Variants in ALDH3B2 observed in about 807,000 individuals in gnomAD.
The protein encoded by ALDH3B2 is aldehyde dehydrogenase family 3 member B2.
ALDH3B2 carries 45 observed loss-of-function variants against 36.7 expected under a neutral mutation model. That is an observed-to-expected ratio of 1.23 (90% confidence interval 0.97 to 1.57). The LOEUF is 1.57. ALDH3B2 is among the 40% of genes most tolerant of loss of function. The probability of loss-of-function intolerance (pLI) is 0.00; values close to 1 mark genes in which losing one functional copy is unlikely to be tolerated. For missense variants in ALDH3B2, 464 were observed against 513.3 expected (o/e 0.90, Z 0.93); for synonymous variants, 217 against 226.5 (o/e 0.96, Z 0.38).
intron 1 of ALDH3B2, among the ~76,000 whole-genome samples, chr11:67,674,231 G>A (rs1160133336): frequency 6.6e-6 from 1 of 152,128 alleles, no homozygotes; most frequent in Non-Finnish European, 1.5e-5. Context: ...GGCAAAGTGA[G>A]GCTCAGAAGA....
At position 67,669,027 on chromosome 11, in the gene ALDH3B2, CTT is replaced by C. The variant is rs540008571; in HGVS notation, c.-244-1394_-244-1393del. Among the ~76,000 whole-genome samples the C allele has an allele frequency of 6.0e-3, 826 of 138,280 alleles. 6 individuals are homozygous for C. Among genetic ancestry groups the C allele is most frequent in the African/African-American group, 0.021 (773 of 36,638 alleles). 90.7% of individuals were successfully genotyped at this position (138,280 alleles called of 152,430 possible). ...TATGTGTATATGGGTGTCTGTGTCT[CTT>C]TGTGTGTATGGATGTCTGTGTCTCT... On this transcript the variant is annotated intron_variant, in intron 1 of 9. Coordinates refer to ENST00000349015, the Ensembl canonical transcript of ALDH3B2.
In ALDH3B2 at chr11:67,666,699, G is replaced by C. The variant is rs745451949; in HGVS notation, c.31-5C>G. The stretch of plus-strand genomic sequence containing the variant: ...GACCGAGTCCAGCTTCATGAACTGA[G>C]GCACAGGGTAGACAGTGAGGCCCTG... On this transcript the variant is annotated splice_polypyrimidine_tract_variant and splice_region_variant and intron_variant, in intron 3 of 9. Transcript: ENST00000349015. The C allele has an allele frequency of 6.2e-7, 1 of 1,614,128 alleles. No individual in the cohort carries two copies. The highest frequency in any genetic ancestry group is 8.5e-7 in the Non-Finnish European group (1 of 1,179,984).
At chr11:67,669,107 G>A (rs949539397) in intron 1 of ALDH3B2, among the ~76,000 whole-genome samples, 1 of 151,712 alleles carries the variant, frequency 6.6e-6, no homozygotes, top group African/African-American at 2.4e-5. Flanking sequence ...TTGTGTGTCT[G>A]TGTGTCTTTG....
chr11:67,672,911 TTCTTTTC>T (rs1856167166), intron 1 of ALDH3B2, among the ~76,000 whole-genome samples: 1 of 120,802 alleles, frequency 8.3e-6, no homozygotes, highest in African/African-American at 3.3e-5. Flanking sequence ...CTTTCTTTCT[TTCTTTTC>T]TTTTCTTTTC....
At chr11:67,670,787 C>A (rs1023426431) in intron 1 of ALDH3B2, among the ~76,000 whole-genome samples, 6 of 152,212 alleles carry the variant, frequency 3.9e-5, no homozygotes, top group African/African-American at 9.7e-5. Flanking sequence ...TGGCACAGGA[C>A]CCCCACACTC....
rs1855944075 is a variant in ALDH3B2, at chr11:67,667,146, C to T, written c.-81-130G>A. ...AATACAGCTCCTATGGGAGGCACTG[C>T]CGTCCCCTGGGAACTGCGCATGGCT... On this transcript the variant is annotated intron_variant, in intron 2 of 9. Coordinates refer to ENST00000349015, the Ensembl canonical transcript of ALDH3B2. 4.9e-6 allele frequency: 3 copies of T among 614,228 alleles called. No individual in the cohort carries two copies. The South Asian group carries it at 5.8e-5, about 12-fold the overall frequency. The allele number at this position is 614,228 out of a possible 1,614,324, so 38.0% of individuals were successfully genotyped here. A position where few individuals can be genotyped will look rare whatever the true frequency, so the allele number is the denominator to read the frequency against.
chr11:67,669,993 GGT>G (rs1289068571), intron 1 of ALDH3B2, among the ~76,000 whole-genome samples: 2 of 69,150 alleles, frequency 2.9e-5, no homozygotes, highest in Non-Finnish European at 6.0e-5. Flanking sequence ...TATGTGTATG[GGT>G]GTGTGTGTCC....
At chr11:67,671,083 G>A (rs962305477) in intron 1 of ALDH3B2, 1 of 152,538 alleles carries the variant, frequency 6.6e-6, no homozygotes, top group Non-Finnish European at 1.5e-5. Flanking sequence ...GCTCCCTGGT[G>A]CCTTTGGAGG....
chr11:67,663,174 TC>T, exon 10 of ALDH3B2: 1 of 1,560,844 alleles, frequency 6.4e-7, no homozygotes, highest in Non-Finnish European at 8.7e-7. Flanking sequence ...ATGGCTAGAC[TC>T]AGGTTTCTCT....
At chr11:67,675,044 C>T (rs1378852273), upstream of ALDH3B2, among the ~76,000 whole-genome samples, 4 of 152,200 alleles carry the variant, frequency 2.6e-5, no homozygotes, top group Admixed American at 2.6e-4. Context: ...TGTCCTCACT[C>T]TTCAGGCTTC....
chr11:67,666,557 C>T lies in ALDH3B2; in HGVS notation c.151+17G>A, dbSNP rs372661590. 161 of 1,613,402 alleles carry T rather than the reference C, an allele frequency of 1.0e-4. No homozygotes were observed. The highest frequency in any genetic ancestry group is 2.9e-4 in the East Asian group (13 of 44,890). On this transcript the variant is annotated intron_variant, in intron 4 of 9. Coordinates refer to ENST00000349015, the Ensembl canonical transcript of ALDH3B2. The stretch of plus-strand genomic sequence containing the variant: ...TACTGGGCGGGGAGAGCATGGGGTT[C>T]GGAACGCCCTCCTCACCTGCGGCGA...
At chr11:67,667,604 G>C (rs1855957751) in exon 2 of ALDH3B2, 1 of 359,372 alleles carries the variant, frequency 2.8e-6, no homozygotes, top group Admixed American at 5.0e-5. Context: ...GCCTCACGCA[G>C]CCGCCGCAGC....
chr11:67,671,745 C>T (rs1856120949), intron 1 of ALDH3B2, among the ~76,000 whole-genome samples: 1 of 151,528 alleles, frequency 6.6e-6, no homozygotes, highest in Non-Finnish European at 1.5e-5. Context: ...GGGGTTTCTC[C>T]ATGTTGAGGC....
At chr11:67,668,480 G>A (rs1284621781) in intron 1 of ALDH3B2, among the ~76,000 whole-genome samples, 4 of 152,184 alleles carry the variant, frequency 2.6e-5, no homozygotes, top group South Asian at 2.1e-4. Context: ...ACGGGATTCT[G>A]AGCATCCCAG....
At chr11:67,664,629 G>A in intron 7 of ALDH3B2, 67 bp from the exon 8 acceptor site, 1 of 1,582,454 alleles carries the variant, frequency 6.3e-7, no homozygotes, top group East Asian at 2.3e-5. Context: ...GTAGGGTAGA[G>A]GTGGGGACAG....
intron 2 of ALDH3B2, 67 bp from the exon 3 acceptor site, chr11:67,667,083 G>T: frequency 2.3e-6 from 2 of 881,944 alleles, no homozygotes; most frequent in Non-Finnish European, 3.6e-6. Context: ...TAGAATTTGA[G>T]GAGGGCACAC....
upstream of ALDH3B2, among the ~76,000 whole-genome samples, chr11:67,678,841 A>T (rs950212320): frequency 6.6e-6 from 1 of 151,896 alleles, no homozygotes; most frequent in South Asian, 2.1e-4. Flanking sequence ...AATACTACTC[A>T]GCTATAAAAA....
rs373173371 is a variant in ALDH3B2 at position 67,670,304 on chromosome 11, G to C, written c.-244-2669C>G. The stretch of plus-strand genomic sequence containing the variant: ...TGTGTGTGTATGGGTGTCTGTATGC[G>C]TATGGGTGTGTGTGTCCATGTGTGT... On this transcript the variant is annotated intron_variant, in intron 1 of 9. Coordinates refer to ENST00000349015, the Ensembl canonical transcript of ALDH3B2. 2.5e-4 allele frequency among the ~76,000 whole-genome samples: 38 copies of C among 150,560 alleles called. 1 individual carries two copies. The highest frequency in any genetic ancestry group is 9.0e-4 in the African/African-American group (37 of 41,052).
intron 9 of ALDH3B2, 60 bp downstream of exon 9, chr11:67,663,602 T>C: frequency 6.6e-7 from 1 of 1,520,106 alleles, no homozygotes; most frequent in Non-Finnish European, 9.0e-7. Flanking sequence ...TGAAGGGACT[T>C]CCTGGGTCTG....
Sources: allele counts gnomAD v4.1 joint callset (sites outside exome capture counted in the v4.1 genomes callset), GRCh38; gene constraint gnomAD v4.1.1; transcripts MANE v1.5; gene names NCBI Gene and HGNC (gene_info 2026-07-23, HGNC 2026-07-21).